The following FMN2 variants were observed in gnomAD, a reference collection of about 807,000 sequenced individuals.
FMN2 encodes the protein formin 2.
A neutral mutation model predicts 142.3 loss-of-function variants in FMN2; 51 were observed. The ratio of observed to expected loss-of-function variants is 0.36; its 90% CI spans 0.29 to 0.45. The LOEUF is 0.45. Ranked by LOEUF, FMN2 falls within the 20% of genes least tolerant of loss-of-function variation. The pLI, the probability that FMN2 is intolerant of heterozygous loss-of-function variation, is 1.00. For missense variants in FMN2, 1,936 were observed against 2,122.8 expected (o/e 0.91, Z 1.73); for synonymous variants, 882 against 869.8 (o/e 1.01, Z -0.25).
rs141574087 is a variant in FMN2, at chr1:240,127,573, G to A, written c.1782+4228G>A. On this transcript the variant is annotated intron_variant, in intron 2 of 17. Transcript: ENST00000319653. Reference sequence around the variant, plus strand: ...GCTCACCGCAGTCTCGATCTCCTGGGCTCAAGCGATCCTTCCACCTCACCC... The same window carrying A: ...GCTCACCGCAGTCTCGATCTCCTGGACTCAAGCGATCCTTCCACCTCACCC... Among the ~76,000 whole-genome samples the A allele has an allele frequency of 9.9e-5, 15 of 152,030 alleles. 1 individual carries two copies. The East Asian group carries it at 2.9e-3, about 29-fold the overall frequency.
intron 13 of FMN2, 23 bp downstream of exon 13, chr1:240,334,252 T>G (rs1343547789): frequency 6.4e-7 from 1 of 1,565,970 alleles, no homozygotes; most frequent in Non-Finnish European, 8.6e-7. Context: ...CCTGAACTCA[T>G]GTTTTCTGTT....
intron 1 of FMN2, among the ~76,000 whole-genome samples, chr1:240,110,078 G>T (rs1019797001): frequency 4.6e-5 from 7 of 152,170 alleles, no homozygotes; most frequent in Admixed American, 4.6e-4. Context: ...CTTGGGCTTT[G>T]GTTGTTGTAA....
chr1:240,145,684 A>AT (rs918737125), intron 2 of FMN2, among the ~76,000 whole-genome samples: 3 of 151,130 alleles, frequency 2.0e-5, no homozygotes, highest in African/African-American at 7.3e-5. Flanking sequence ...TAATTTTTAT[A>AT]TTTTTTGTAG....
chr1:240,466,213 C>A (rs773595601), intron 16 of FMN2, among the ~76,000 whole-genome samples: 10 of 152,140 alleles, frequency 6.6e-5, no homozygotes, highest in South Asian at 2.1e-4. Flanking sequence ...ATATTCCTCT[C>A]TGATATTATA....
intron 7 of FMN2, among the ~76,000 whole-genome samples, chr1:240,262,157 T>G (rs1004898880): frequency 6.6e-6 from 1 of 151,982 alleles, no homozygotes; most frequent in African/African-American, 2.4e-5. Flanking sequence ...CATTTCATTG[T>G]GGGGTATGTC....
rs146534377 is a variant in FMN2, at chr1:240,290,899, T to A, written c.4154-3923T>A. On this transcript the variant is annotated intron_variant, in intron 7 of 17. Coordinates refer to ENST00000319653, the MANE Select transcript of FMN2 (RefSeq NM_020066.5). ...TTGGCCTAGGTAGATCTAGGCCCTC[T>A]ACCTCCCGGGTTCAAGTGATTATCC... is the stretch of plus-strand genomic sequence containing the variant. 2.0e-5 allele frequency among the ~76,000 whole-genome samples: 3 copies of A among 147,050 alleles called. No individual in the cohort carries two copies. In the East Asian group the frequency reaches 6.6e-4, roughly 32 times the overall value.
rs115087974 is a variant in FMN2, at chr1:240,111,584, A to T, written c.1616-11595A>T. ...TGTAACATGAGGATGACCAGAGGTC[A>T]CTCTGGTCACCGTCTTGGTTTTAGT... On this transcript the variant is annotated intron_variant, in intron 1 of 17. Transcript: ENST00000319653. 4.6e-3 allele frequency among the ~76,000 whole-genome samples: 705 copies of T among 152,010 alleles called. 10 individuals are homozygous for T. Among genetic ancestry groups the T allele is most frequent in the African/African-American group, 0.016 (677 of 41,480 alleles).
intron 2 of FMN2, among the ~76,000 whole-genome samples, chr1:240,136,454 T>C (rs1662942404): frequency 6.6e-6 from 1 of 152,194 alleles, no homozygotes; most frequent in South Asian, 2.1e-4. Flanking sequence ...CAATCAGACT[T>C]TTTAAGACAA....
At chr1:240,145,433 G>T in intron 2 of FMN2, 1 of 310,760 alleles carries the variant, frequency 3.2e-6, no homozygotes. Context: ...ATATATATAT[G>T]TATATATTAT....
intron 8 of FMN2, among the ~76,000 whole-genome samples, chr1:240,295,821 AT>A (rs925710926): frequency 6.6e-6 from 1 of 152,156 alleles, no homozygotes; most frequent in Non-Finnish European, 1.5e-5. Flanking sequence ...TGTCTTTAAT[AT>A]TTTGAGCAAC....
At chr1:240,136,887 A>G (rs1426867343) in intron 2 of FMN2, among the ~76,000 whole-genome samples, 4 of 151,998 alleles carry the variant, frequency 2.6e-5, no homozygotes, top group African/African-American at 9.7e-5. Flanking sequence ...CCTGACCCAC[A>G]TGGTGAAACC....
chr1:240,388,663 A>G (rs930387661), intron 14 of FMN2, among the ~76,000 whole-genome samples: 7 of 152,030 alleles, frequency 4.6e-5, no homozygotes, highest in Non-Finnish European at 1.0e-4. Flanking sequence ...GGAGTTCGAG[A>G]CCAGCCTGAC....
At chr1:240,442,610 T>C (rs1042014222) in intron 16 of FMN2, among the ~76,000 whole-genome samples, 4 of 152,238 alleles carry the variant, frequency 2.6e-5, no homozygotes, top group African/African-American at 9.6e-5. Flanking sequence ...AGAATTTTCC[T>C]TGGAATAGTT....
chr1:240,171,915 A>C (rs1167152202), intron 2 of FMN2, among the ~76,000 whole-genome samples: 1 of 152,224 alleles, frequency 6.6e-6, no homozygotes, highest in African/African-American at 2.4e-5. Flanking sequence ...TAATAGGAAG[A>C]TACAATGTCA....
At chr1:240,250,533 G>T (rs914389121) in intron 6 of FMN2, among the ~76,000 whole-genome samples, 1 of 152,062 alleles carries the variant, frequency 6.6e-6, no homozygotes, top group African/African-American at 2.4e-5. Flanking sequence ...CAGGATATTG[G>T]CCTGTAGTTT....
intron 3 of FMN2, among the ~76,000 whole-genome samples, chr1:240,187,293 AAAAG>A (rs1271274867): frequency 7.0e-6 from 1 of 142,198 alleles, no homozygotes; most frequent in Non-Finnish European, 1.5e-5. Flanking sequence ...AAAAAAAAAG[AAAAG>A]AAAAAAACAA....
At chr1:240,362,936 A>G (rs1488497889) in intron 14 of FMN2, among the ~76,000 whole-genome samples, 2 of 152,194 alleles carry the variant, frequency 1.3e-5, no homozygotes, top group Non-Finnish European at 2.9e-5. Flanking sequence ...TTCTTTAAGC[A>G]TAGTAAATTG....
At chr1:240,106,169 CT>C (rs1661599255) in intron 1 of FMN2, among the ~76,000 whole-genome samples, 1 of 152,142 alleles carries the variant, frequency 6.6e-6, no homozygotes, top group East Asian at 1.9e-4. Flanking sequence ...CCATTGCATA[CT>C]TTTTCTTAGA....
chr1:240,365,464 C>T (rs1196765522), intron 14 of FMN2, among the ~76,000 whole-genome samples: 2 of 151,892 alleles, frequency 1.3e-5, no homozygotes, highest in African/African-American at 4.8e-5. Flanking sequence ...TAACTATATG[C>T]AAGTGTATAT....
Sources: allele counts gnomAD v4.1 joint callset (sites outside exome capture counted in the v4.1 genomes callset), GRCh38; gene constraint gnomAD v4.1.1; transcripts MANE v1.5; gene names NCBI Gene and HGNC (gene_info 2026-07-23, HGNC 2026-07-21).